Variants in KPNA4 observed in about 807,000 individuals in gnomAD.
The protein encoded by KPNA4 is importin subunit alpha-3.
A neutral mutation model predicts 71.3 loss-of-function variants in KPNA4; 13 were observed. The ratio of observed to expected loss-of-function variants is 0.18; its 90% CI spans 0.12 to 0.29. KPNA4 has a LOEUF of 0.29. Among genes scored for constraint, KPNA4 ranks in the 10% least tolerant of loss-of-function variants. The probability of loss-of-function intolerance (pLI) is 1.00; values close to 1 mark genes in which losing one functional copy is unlikely to be tolerated. For synonymous variants in KPNA4, 189 were observed against 195.2 expected (o/e 0.97, Z 0.26); for missense variants, 334 against 603.2 (o/e 0.55, Z 4.67).
At chr3:160,511,851 T>C (rs1721101514) in intron 13 of KPNA4, among the ~76,000 whole-genome samples, 1 of 151,796 alleles carries the variant, frequency 6.6e-6, no homozygotes, top group Non-Finnish European at 1.5e-5. Context: ...CACAGATCTA[T>C]ACATACCAAA....
rs1450362317 is a variant in KPNA4, at chr3:160,498,320, C to T, written c.*3784G>A. On this transcript the variant is annotated 3_prime_UTR_variant, in exon 17 of 17. Coordinates refer to ENST00000334256, the MANE Select transcript of KPNA4 (RefSeq NM_002268.5). ...CTATGATAACTATATAAGGCTATCACTTGTAAATTGTTCCAGTTCTAAATA... is the reference window on the plus strand; with the variant it reads ...CTATGATAACTATATAAGGCTATCATTTGTAAATTGTTCCAGTTCTAAATA... 2.0e-5 allele frequency: 3 copies of T among 152,182 alleles called. No homozygotes were observed. Among genetic ancestry groups the T allele is most frequent in the South Asian group, 2.1e-4 (1 of 4,830 alleles). The allele number at this position is 152,182 out of a possible 1,614,324, so 9.4% of individuals were successfully genotyped here. A position where few individuals can be genotyped will look rare whatever the true frequency, so the allele number is the denominator to read the frequency against.
intron 16 of KPNA4, among the ~76,000 whole-genome samples, chr3:160,502,981 T>C (rs1035068334): frequency 2.0e-5 from 3 of 152,074 alleles, no homozygotes; most frequent in African/African-American, 7.2e-5. Context: ...CATGGTGGCA[T>C]GCGCCTATAA....
intron 1 of KPNA4, among the ~76,000 whole-genome samples, chr3:160,548,351 AGT>A (rs1721967330): frequency 6.6e-6 from 1 of 152,192 alleles, no homozygotes; most frequent in Admixed American, 6.5e-5. Context: ...ACTATTTTAA[AGT>A]GAGTTCGGCA....
intron 8 of KPNA4, 71 bp downstream of exon 8, chr3:160,527,882 A>G: frequency 8.8e-7 from 1 of 1,132,626 alleles, no homozygotes; most frequent in Non-Finnish European, 1.3e-6. Flanking sequence ...CTTTTGGATT[A>G]CTAGTAGCTA....
Position 160,495,316 on chromosome 3 carries a change from T to C in KPNA4, c.*6788A>G, listed in dbSNP as rs1409748146. The stretch of plus-strand genomic sequence containing the variant: ...GAATATTCAAGGACGTAAAGTGCGG[T>C]TGAGAAAGCCAGGATGCAAACAAAC... On this transcript the variant is annotated 3_prime_UTR_variant, in exon 17 of 17. Transcript: ENST00000334256. The C allele has an allele frequency of 6.6e-6, 1 of 152,200 alleles. No individual in the cohort carries two copies. The highest frequency in any genetic ancestry group is 1.5e-5 in the Non-Finnish European group (1 of 68,038). The allele number at this position is 152,200 out of a possible 1,614,324, so 9.4% of individuals were successfully genotyped here. A position where few individuals can be genotyped will look rare whatever the true frequency, so the allele number is the denominator to read the frequency against.
intron 1 of KPNA4, among the ~76,000 whole-genome samples, chr3:160,559,047 G>T (rs1267222377): frequency 1.3e-5 from 2 of 152,150 alleles, no homozygotes; most frequent in African/African-American, 4.8e-5. Flanking sequence ...CAAGGAAAAA[G>T]TACTTGTGCA....
At chr3:160,544,812 T>C (rs1223054860) in intron 1 of KPNA4, among the ~76,000 whole-genome samples, 2 of 151,726 alleles carry the variant, frequency 1.3e-5, no homozygotes, top group East Asian at 1.9e-4. Flanking sequence ...GTTTTTTTTT[T>C]CCCATTTACA....
chr3:160,508,195 C>A lies in KPNA4; in HGVS notation c.1284G>T (p.Val428=). 4 of 1,612,520 alleles carry A rather than the reference C, an allele frequency of 2.5e-6. No homozygotes were observed. The highest frequency in any genetic ancestry group is 3.4e-6 in the Non-Finnish European group (4 of 1,179,324). ...NLLTVKDAQV[V]QVVLDGLSNI... ...TACTTAGTCCATCGAGTACTACTTG[C>A]ACAACTTGTGCATCTTTTACAGTCA... Residue 428 remains valine (V), a synonymous_variant, in exon 15 of 17, where the codon GTG becomes GTT. Transcript: ENST00000334256.
At chr3:160,514,309 A>T (rs1415171294) in intron 12 of KPNA4, 128 bp from the exon 13 acceptor site, 1 of 601,898 alleles carries the variant, frequency 1.7e-6, no homozygotes. Context: ...TAAAAATCTC[A>T]GGAATCTCAA....
intron 14 of KPNA4, among the ~76,000 whole-genome samples, chr3:160,508,674 G>A (rs758095348): frequency 1.3e-5 from 2 of 151,570 alleles, no homozygotes; most frequent in Non-Finnish European, 1.5e-5. Context: ...ACTATGTTGC[G>A]CAGGATTTAT....
Position 160,502,151 on chromosome 3 carries a change from CA to C in KPNA4, c.1518del (p.Phe506LeufsTer29). On this transcript the variant is annotated frameshift_variant, in exon 17 of 17. Transcript: ENST00000334256. LOFTEE classifies it high-confidence loss of function. ...GGTACATTGGCAGATGAATTGAAAC[CA>C]AATGTTCCGCCTTGAATTGCCTCTG... ...LVPEAIQGGT[F>X]GFNSSANVPT... The C allele has an allele frequency of 6.3e-7, 1 of 1,596,612 alleles. No homozygotes were observed. The highest frequency in any genetic ancestry group is 1.1e-5 in the South Asian group (1 of 88,960).
intron 1 of KPNA4, among the ~76,000 whole-genome samples, chr3:160,539,427 G>C (rs1034402103): frequency 4.6e-5 from 7 of 152,060 alleles, no homozygotes; most frequent in Admixed American, 2.6e-4. Context: ...TTAAAAATAA[G>C]AAAACTGAGG....
intron 12 of KPNA4, chr3:160,514,874 AT>A (rs1453138972): frequency 4.4e-6 from 2 of 457,996 alleles, no homozygotes; most frequent in East Asian, 5.6e-5. Context: ...ACTCTAAAAA[AT>A]ATTAGTATTA....
chr3:160,549,112 T>C lies in KPNA4; in HGVS notation c.70-12272A>G, dbSNP rs561758301. On this transcript the variant is annotated intron_variant, in intron 1 of 16. Transcript: ENST00000334256. ...TAGAGAAATATCTTTTCAAGCCTTT[T>C]GCGCATTTTAAAATAGGGTTGTTGG... Among the ~76,000 whole-genome samples the C allele has an allele frequency of 2.6e-5, 4 of 152,374 alleles. No homozygotes were observed. The East Asian group carries it at 7.7e-4, about 29-fold the overall frequency.
At chr3:160,509,296 C>T (rs928504557) in intron 14 of KPNA4, among the ~76,000 whole-genome samples, 1 of 152,150 alleles carries the variant, frequency 6.6e-6, no homozygotes, top group Admixed American at 6.6e-5. Flanking sequence ...GTTATTGTTG[C>T]TGTCTTTTTA....
chr3:160,509,115 T>C (rs1721042960), intron 14 of KPNA4, among the ~76,000 whole-genome samples: 1 of 152,210 alleles, frequency 6.6e-6, no homozygotes, highest in Non-Finnish European at 1.5e-5. Context: ...ATCTAACCTC[T>C]TTAAAACTGT....
intron 11 of KPNA4, among the ~76,000 whole-genome samples, chr3:160,521,296 T>A (rs1721344566): frequency 6.6e-6 from 1 of 152,186 alleles, no homozygotes; most frequent in Non-Finnish European, 1.5e-5. Flanking sequence ...TTCCCTGGTC[T>A]ACATTAAAAA....
At chr3:160,546,338 C>T (rs903434810) in intron 1 of KPNA4, among the ~76,000 whole-genome samples, 3 of 152,016 alleles carry the variant, frequency 2.0e-5, no homozygotes, top group Non-Finnish European at 2.9e-5. Flanking sequence ...GGCAACATGG[C>T]GAAACCCTGA....
In KPNA4 at chr3:160,515,616, T is replaced by A. The variant is rs114801599; in HGVS notation, c.904-36A>T. On this transcript the variant is annotated intron_variant, in intron 11 of 16. Coordinates refer to ENST00000334256, the MANE Select transcript of KPNA4 (RefSeq NM_002268.5). ...CAATGAGATGACATTCTATGTGAAA[T>A]CCTTTTTTTTTTTTTTGAGACAAGG... 1.5e-3 allele frequency: 2,403 copies of A among 1,572,296 alleles called. 31 individuals carry two copies. In the African/African-American group the frequency reaches 0.029, roughly 19 times the overall value.
Sources: gnomAD v4.1 joint callset for allele counts (sites outside exome capture counted in the v4.1 genomes callset) on GRCh38, gnomAD v4.1.1 for gene constraint, MANE v1.5 for transcripts, NCBI Gene and HGNC (gene_info 2026-07-23, HGNC 2026-07-21) for gene names.